ITGB6: variants seen among roughly 807,000 people sequenced by gnomAD.
The protein encoded by ITGB6 is integrin beta-6.
A neutral mutation model predicts 84.5 loss-of-function variants in ITGB6; 80 were observed. The observed-to-expected ratio is 0.95, with a 90% CI of 0.79 to 1.14. The LOEUF is 1.14. ITGB6 is among the 50% of genes most tolerant of loss of function. The pLI is 0.00. For missense variants in ITGB6, 1,006 were observed against 968.0 expected, an observed-to-expected ratio of 1.04 and a Z score of -0.52; for synonymous variants, 383 against 354.9, an observed-to-expected ratio of 1.08 and a Z score of -0.89.
chr2:160,142,281 A>C lies in ITGB6; in HGVS notation c.1018-210T>G, dbSNP rs3755547. Among the ~76,000 whole-genome samples, 17,081 of 152,174 alleles carry C rather than the reference A, an allele frequency of 0.11. 1,747 individuals carry two copies. The highest frequency in any genetic ancestry group is 0.29 in the East Asian group (1,493 of 5,166). On this transcript the variant is annotated intron_variant, in intron 7 of 14. Coordinates refer to ENST00000283249, the MANE Select transcript of ITGB6 (RefSeq NM_000888.5). ...GGAAAATGGACTGGACAGAGTCAGC[A>C]CTGGGGAAATCTAGGGTCTGTGGTT...
intron 4 of ITGB6, among the ~76,000 whole-genome samples, chr2:160,183,957 A>G (rs1553487635): frequency 6.6e-6 from 1 of 152,224 alleles, no homozygotes; most frequent in Non-Finnish European, 1.5e-5. Flanking sequence ...ACGTAGTAGA[A>G]TCTCTGAGAC....
chr2:160,148,050 T>A (rs1463945765), intron 7 of ITGB6, among the ~76,000 whole-genome samples: 1 of 151,964 alleles, frequency 6.6e-6, no homozygotes, highest in Non-Finnish European at 1.5e-5. Context: ...TGGAAGAAAA[T>A]ATTTGCAAAA....
intron 12 of ITGB6, among the ~76,000 whole-genome samples, chr2:160,117,027 AC>A (rs1682808010): frequency 6.6e-6 from 1 of 150,900 alleles, no homozygotes; most frequent in Non-Finnish European, 1.5e-5. Context: ...GTCCTTAGTG[AC>A]CCACAAAGAG....
chr2:160,191,129 CACCAAGCTT>C (rs1168832040), intron 4 of ITGB6, among the ~76,000 whole-genome samples: 1 of 152,182 alleles, frequency 6.6e-6, no homozygotes, highest in East Asian at 1.9e-4. Context: ...AGGTTGTTAG[CACCAAGCTT>C]ATTTCCCTTC....
At chr2:160,177,127 C>CA (rs1007711238) in intron 4 of ITGB6, among the ~76,000 whole-genome samples, 2 of 151,968 alleles carry the variant, frequency 1.3e-5, no homozygotes, top group African/African-American at 2.4e-5. Flanking sequence ...AGTTGATTAG[C>CA]AAAAAATGGC....
intron 12 of ITGB6, among the ~76,000 whole-genome samples, chr2:160,117,274 C>A (rs1181054761): frequency 6.6e-6 from 1 of 152,112 alleles, no homozygotes; most frequent in Non-Finnish European, 1.5e-5. Context: ...GTAAAGCACT[C>A]CTCAGCAAAT....
In ITGB6 at chr2:160,126,492, G is replaced by T. The variant is rs748097095; in HGVS notation, c.1770C>A (p.Leu590=). Residue 590 remains leucine, a synonymous_variant, in exon 11 of 15, where the codon CTC becomes CTA. Transcript: ENST00000283249. ...TDSCVSEDGV[L]CSGRGDCVCG... is the part of the protein sequence containing the mutation. The stretch of plus-strand genomic sequence containing the variant: ...AAACACAGTCCCCGCGCCCGCTGCA[G>T]AGCACTCCATCTTCAGAGACGCAGG... 1 of 1,614,216 alleles carries T rather than the reference G, an allele frequency of 6.2e-7. No individual in the cohort carries two copies. The highest frequency in any genetic ancestry group is 8.5e-7 in the Non-Finnish European group (1 of 1,180,026).
chr2:160,174,080 T>C lies in ITGB6; in HGVS notation c.653A>G (p.Asn218Ser), dbSNP rs533656461. The change falls in exon 5 of 15, where the codon AAT becomes AGT. Residue 218 changes from asparagine to serine, a missense_variant. Asn to Ser is a conservative substitution (Grantham distance 46). Transcript: ENST00000283249. Reference sequence around the variant, plus strand: ...AATTTCATTGAATCTTTCAGCATCATTTGTCAATGGCAAAATGTGCTTGAA... The same window carrying C: ...AATTTCATTGAATCTTTCAGCATCACTTGTCAATGGCAAAATGTGCTTGAA... ...FGFKHILPLT[N>S]DAERFNEIVK... The C allele has an allele frequency of 6.2e-7, 1 of 1,613,002 alleles. No homozygotes were observed. The highest frequency in any genetic ancestry group is 1.3e-5 in the African/African-American group (1 of 74,914).
chr2:160,104,885 C>T (rs983305283), intron 14 of ITGB6, among the ~76,000 whole-genome samples: 1 of 152,130 alleles, frequency 6.6e-6, no homozygotes, highest in African/African-American at 2.4e-5. Context: ...GAGTGAAGAC[C>T]TTTCTGTCTT....
intron 1 of ITGB6, among the ~76,000 whole-genome samples, chr2:160,199,496 C>G (rs1686472518): frequency 6.6e-6 from 1 of 152,100 alleles, no homozygotes; most frequent in Admixed American, 6.6e-5. Context: ...AATTATCATG[C>G]TCTTTTTTCT....
At chr2:160,133,602 A>G (rs1477109180) in intron 10 of ITGB6, among the ~76,000 whole-genome samples, 1 of 151,806 alleles carries the variant, frequency 6.6e-6, no homozygotes, top group Non-Finnish European at 1.5e-5. Context: ...CAGAATATAC[A>G]TTCTTTTCAG....
At chr2:160,170,840 G>A (rs943364398) in intron 6 of ITGB6, among the ~76,000 whole-genome samples, 2 of 152,206 alleles carry the variant, frequency 1.3e-5, no homozygotes, top group Admixed American at 1.3e-4. Context: ...GCAATAAGTA[G>A]TGTTAGCTTT....
chr2:160,116,635 A>C (rs990073406), intron 12 of ITGB6, among the ~76,000 whole-genome samples: 4 of 145,210 alleles, frequency 2.8e-5, no homozygotes, highest in African/African-American at 7.7e-5. Context: ...CTAACATCAT[A>C]ATGACAGGAC....
At chr2:160,136,935 A>G (rs1026237385) in intron 10 of ITGB6, among the ~76,000 whole-genome samples, 2 of 152,034 alleles carry the variant, frequency 1.3e-5, no homozygotes, top group Admixed American at 1.3e-4. Flanking sequence ...TAGCATTAGG[A>G]GATATACCTA....
At chr2:160,199,053 T>C in intron 2 of ITGB6, 126 bp downstream of exon 2, 2 of 682,836 alleles carry the variant, frequency 2.9e-6, no homozygotes, top group Non-Finnish European at 5.2e-6. Context: ...CCTTCTCCTT[T>C]CCTGATTTGT....
At chr2:160,174,974 G>A (rs1053249784) in intron 4 of ITGB6, among the ~76,000 whole-genome samples, 12 of 152,250 alleles carry the variant, frequency 7.9e-5, no homozygotes, top group Admixed American at 5.9e-4. Flanking sequence ...GACCTGCTGA[G>A]TTAGCTATGC....
rs749669685 is a variant in ITGB6 at position 160,198,175 on chromosome 2, A to G, written c.141+1004T>C. Among the ~76,000 whole-genome samples the G allele has an allele frequency of 5.9e-5, 9 of 152,190 alleles. No homozygotes were observed. In the South Asian group the frequency reaches 1.9e-3, roughly 32 times the overall value. ...TTTTTTCCCTTCTTGTATATTCTCAATCCTGCTTTGATACAGGAACTAAAA... is the reference window on the plus strand; with the variant it reads ...TTTTTTCCCTTCTTGTATATTCTCAGTCCTGCTTTGATACAGGAACTAAAA... On this transcript the variant is annotated intron_variant, in intron 2 of 14. Coordinates refer to ENST00000283249, the MANE Select transcript of ITGB6 (RefSeq NM_000888.5).
intron 7 of ITGB6, among the ~76,000 whole-genome samples, chr2:160,158,463 A>T (rs1386970268): frequency 6.6e-6 from 1 of 152,232 alleles, no homozygotes; most frequent in Admixed American, 6.5e-5. Flanking sequence ...AAGAGGCTAC[A>T]TTGAGTATTT....
At chr2:160,128,314 T>A (rs1683318207) in intron 10 of ITGB6, among the ~76,000 whole-genome samples, 1 of 148,822 alleles carries the variant, frequency 6.7e-6, no homozygotes, top group Non-Finnish European at 1.5e-5. Context: ...GGAATACATG[T>A]GGAATCATGT....
Sources: gnomAD v4.1 joint callset for allele counts (sites outside exome capture counted in the v4.1 genomes callset) on GRCh38, gnomAD v4.1.1 for gene constraint, MANE v1.5 for transcripts, NCBI Gene and HGNC (gene_info 2026-07-23, HGNC 2026-07-21) for gene names.